NXN: variants seen among roughly 807,000 people sequenced by gnomAD.
The protein encoded by NXN is nucleoredoxin, also known as nucleoredoxin 1.
A neutral mutation model predicts 48.6 loss-of-function variants in NXN; 16 were observed. That is an observed-to-expected ratio of 0.33 (90% CI 0.22 to 0.50). NXN has a LOEUF of 0.50. NXN is among the 20% of genes least tolerant of loss of function. The pLI, the probability that NXN is intolerant of heterozygous loss-of-function variation, is 0.98. For synonymous variants in NXN, 281 were observed against 269.6 expected (o/e 1.04, Z -0.41); for missense variants, 492 against 605.5 (o/e 0.81, Z 1.97).
At chr17:927,438 G>A (rs896069147) in intron 1 of NXN, among the ~76,000 whole-genome samples, 10 of 151,354 alleles carry the variant, frequency 6.6e-5, no homozygotes, top group African/African-American at 1.9e-4. Flanking sequence ...GCGAAACCCC[G>A]TCTCCACAGA....
chr17:962,480 C>G (rs948506541), intron 1 of NXN, among the ~76,000 whole-genome samples: 2 of 152,116 alleles, frequency 1.3e-5, no homozygotes, highest in Non-Finnish European at 1.5e-5. Context: ...CCAGCCTGGA[C>G]AACACGGTAA....
At chr17:848,185 T>C (rs1454269808) in intron 1 of NXN, among the ~76,000 whole-genome samples, 1 of 152,112 alleles carries the variant, frequency 6.6e-6, no homozygotes, top group African/African-American at 2.4e-5. Context: ...TCGCCCACGC[T>C]GGAGTGCAAT....
rs2069076596 is a variant in NXN at position 948,840 on chromosome 17, C to T, written c.360+30479G>A. On this transcript the variant is annotated intron_variant, in intron 1 of 7. Coordinates refer to ENST00000336868, the MANE Select transcript of NXN (RefSeq NM_022463.5). ...CCTCTCCCCGCGGCCTCCTCCTCTC[C>T]CCCCTGCCTCCTCCTCTCCCCGCGG... 2.4e-5 allele frequency among the ~76,000 whole-genome samples: 3 copies of T among 127,400 alleles called. No homozygotes were observed. The South Asian group carries it at 8.5e-4, about 36-fold the overall frequency. 83.6% of individuals were successfully genotyped at this position (127,400 alleles called of 152,430 possible).
chr17:877,381 C>T (rs1036018865), intron 1 of NXN, among the ~76,000 whole-genome samples: 6 of 151,978 alleles, frequency 3.9e-5, no homozygotes, highest in East Asian at 3.9e-4. Context: ...CTCCTGACCT[C>T]GTGATCCACC....
chr17:897,285 A>G (rs2068496890), intron 1 of NXN, among the ~76,000 whole-genome samples: 1 of 152,196 alleles, frequency 6.6e-6, no homozygotes, highest in Admixed American at 6.5e-5. Context: ...GGACATCAAA[A>G]TGACAGCAGA....
At chr17:888,926 G>C (rs1157231223) in intron 1 of NXN, among the ~76,000 whole-genome samples, 2 of 144,394 alleles carry the variant, frequency 1.4e-5, no homozygotes, top group African/African-American at 5.3e-5. Context: ...CTGCACTCCA[G>C]CCTGGGGGCG....
chr17:801,135 A>G lies in NXN; in HGVS notation c.1126-4T>C. The G allele has an allele frequency of 6.6e-7, 1 of 1,525,086 alleles. No individual in the cohort carries two copies. The highest frequency in any genetic ancestry group is 8.8e-7 in the Non-Finnish European group (1 of 1,134,332). The allele number at this position is 1,525,086 out of a possible 1,614,324, so 94.5% of individuals were successfully genotyped here. ...GCAGGGAGTCAGTCATGTCATCCTG[A>G]AGCCGTCAGGAGGGAGAGAAAACCA... On this transcript the variant is annotated splice_region_variant and splice_polypyrimidine_tract_variant and intron_variant, in intron 7 of 7. Transcript: ENST00000336868.
chr17:889,221 T>C (rs1175924171), intron 1 of NXN, among the ~76,000 whole-genome samples: 1 of 152,002 alleles, frequency 6.6e-6, no homozygotes, highest in Non-Finnish European at 1.5e-5. Flanking sequence ...CGTGCCACAC[T>C]TGCCTTCTCA....
At chr17:806,018 C>G (rs1911477869) in intron 5 of NXN, among the ~76,000 whole-genome samples, 1 of 152,062 alleles carries the variant, frequency 6.6e-6, no homozygotes, top group Admixed American at 6.5e-5. Flanking sequence ...AAGACGGGTC[C>G]TCGCCCGGCC....
chr17:878,780 C>T (rs2068249648), intron 1 of NXN, among the ~76,000 whole-genome samples: 2 of 152,086 alleles, frequency 1.3e-5, no homozygotes, highest in Admixed American at 6.5e-5. Context: ...GTAGATGCGT[C>T]AGTGAGACCC....
chr17:830,051 T>A lies in NXN; in HGVS notation c.361-3973A>T, dbSNP rs1170933237. ...AGATCCCTGAGGAATCACCACACTG[T>A]CCTCCACAATGGTTGAACTAATTGA... On this transcript the variant is annotated intron_variant, in intron 1 of 7. Transcript: ENST00000336868. This position sits in a 1 kb window ranked among gnomAD's most constrained non-coding sequence, Gnocchi z 4.2. Among the ~76,000 whole-genome samples, 1 of 152,172 alleles carries A rather than the reference T, an allele frequency of 6.6e-6. No individual in the cohort carries two copies. Among genetic ancestry groups the A allele is most frequent in the African/African-American group, 2.4e-5 (1 of 41,442 alleles).
intron 7 of NXN, among the ~76,000 whole-genome samples, chr17:801,509 G>A (rs889422265): frequency 9.9e-5 from 14 of 141,698 alleles, no homozygotes; most frequent in South Asian, 2.2e-4. Context: ...GCAGTGGCAC[G>A]ATCTCGGCTC....
At chr17:801,581 G>A (rs1377891491) in intron 7 of NXN, among the ~76,000 whole-genome samples, 1 of 151,392 alleles carries the variant, frequency 6.6e-6, no homozygotes, top group Non-Finnish European at 1.5e-5. Flanking sequence ...GAGTAGCTGG[G>A]ACTACAGGCG....
intron 7 of NXN, 137 bp downstream of exon 7, chr17:803,536 CTTGCCACAT>C (rs1309713219): frequency 1.0e-6 from 1 of 996,798 alleles, no homozygotes. Flanking sequence ...GCTACCTTTC[CTTGCCACAT>C]TTGTCTGTGG....
intron 1 of NXN, among the ~76,000 whole-genome samples, chr17:831,478 T>TTTATTTATTAA (rs10675426): frequency 4.0e-5 from 4 of 100,652 alleles, no homozygotes; most frequent in African/African-American, 1.6e-4. Flanking sequence ...TATTTATTTA[T>TTTATTTATTAA]TTATTATTTT....
rs916228210 is a variant in NXN at position 917,845 on chromosome 17, G to T, written c.360+61474C>A. 6.6e-6 allele frequency among the ~76,000 whole-genome samples: 1 copy of T among 152,200 alleles called. No homozygotes were observed. The highest frequency in any genetic ancestry group is 2.1e-4 in the South Asian group (1 of 4,828). On this transcript the variant is annotated intron_variant, in intron 1 of 7. Coordinates refer to ENST00000336868, the MANE Select transcript of NXN (RefSeq NM_022463.5). This position sits in a 1 kb window ranked among gnomAD's most constrained non-coding sequence, Gnocchi z 4.5. ...AAAGGGGATAAGCGACAGGAGAGGG[G>T]GGACTCCCGTTCCAAACAAAGGGGA...
At chr17:979,279 T>TGGGGGGCGGGCAGGGGTAACGGGCGTG in intron 1 of NXN, 40 bp downstream of exon 1, 1 of 713,972 alleles carries the variant, frequency 1.4e-6, no homozygotes, top group Non-Finnish European at 1.7e-6. Context: ...GTAACGGGCG[T>TGGGGGGCGGGCAGGGGTAACGGGCGTG]GGGGGGCGGG....
chr17:845,309 C>T (rs936791595), intron 1 of NXN, among the ~76,000 whole-genome samples: 10 of 152,106 alleles, frequency 6.6e-5, no homozygotes, highest in African/African-American at 1.9e-4. Flanking sequence ...CTTCTAAAAT[C>T]CTACCATCAT....
chr17:861,033 C>CA (rs1252307271), intron 1 of NXN, among the ~76,000 whole-genome samples: 1 of 152,196 alleles, frequency 6.6e-6, no homozygotes, highest in African/African-American at 2.4e-5. Context: ...ATGAGAGGAA[C>CA]ACAGATACGG....
Sources: allele counts gnomAD v4.1 joint callset (sites outside exome capture counted in the v4.1 genomes callset), GRCh38; gene constraint gnomAD v4.1.1; non-coding constraint Gnocchi (gnomAD v3.1); transcripts MANE v1.5; gene names NCBI Gene and HGNC (gene_info 2026-07-23, HGNC 2026-07-21).